Variants in GRIP1 observed in about 807,000 individuals in gnomAD.
GRIP1 encodes the protein glutamate receptor interacting protein 1.
GRIP1 carries 45 observed loss-of-function variants against 129.9 expected under a neutral mutation model. The ratio of observed to expected loss-of-function variants is 0.35; its 90% CI spans 0.27 to 0.44. The LOEUF (loss-of-function observed/expected upper bound fraction) is 0.44, where lower values mean the gene tolerates loss of function less well. Among genes scored for constraint, GRIP1 ranks in the 20% least tolerant of loss-of-function variants. GRIP1 has a pLI of 1.00. For synonymous variants in GRIP1, 530 were observed against 520.8 expected, an observed-to-expected ratio of 1.02 and a Z score of -0.24; for missense variants, 1,196 against 1,396.8, an observed-to-expected ratio of 0.86 and a Z score of 2.29.
intron 14 of GRIP1, among the ~76,000 whole-genome samples, chr12:66,430,300 C>T (rs570360530): frequency 1.6e-4 from 25 of 152,176 alleles, no homozygotes; most frequent in African/African-American, 3.9e-4. Flanking sequence ...GTGGTGGTGA[C>T]GACTAGTTGT....
rs149279583 is a variant in GRIP1, at chr12:66,910,585, C to T, written c.58+158465G>A. ...AGTTGGGTCTCGGTGTGAACATAAC[C>T]ACAGGCCCTTCCTATTTAGCACACC... On this transcript the variant is annotated intron_variant, in intron 1 of 1. Coordinates refer to the GRIP1 transcript ENST00000643019. Among the ~76,000 whole-genome samples, 480 of 152,132 alleles carry T rather than the reference C, an allele frequency of 3.2e-3. 1 individual carries two copies. Among genetic ancestry groups the T allele is most frequent in the African/African-American group, 0.011 (458 of 41,494 alleles).
chr12:66,602,847 G>GC (rs1270112711), intron 1 of GRIP1, among the ~76,000 whole-genome samples: 2 of 72,348 alleles, frequency 2.8e-5, no homozygotes, highest in Non-Finnish European at 6.0e-5. Context: ...CAGATCTTTT[G>GC]CTTTTTTTTT....
chr12:66,381,402 C>T (rs2056103968), intron 19 of GRIP1, among the ~76,000 whole-genome samples: 1 of 152,212 alleles, frequency 6.6e-6, no homozygotes, highest in Non-Finnish European at 1.5e-5. Flanking sequence ...TCCTGGCTCC[C>T]TCTGATGGAC....
chr12:66,392,917 T>C lies in GRIP1; in HGVS notation c.2130-101A>G, dbSNP rs986308809. The stretch of plus-strand genomic sequence containing the variant: ...TTATACATTCATCATAATAAAGACT[T>C]GGTAAGGATCTCCAGAAGTCCCTTC... On this transcript the variant is annotated intron_variant, in intron 17 of 24. Transcript: ENST00000359742. 8.6e-6 allele frequency: 10 copies of C among 1,159,750 alleles called. No homozygotes were observed. In the African/African-American group the frequency reaches 1.5e-4, roughly 18 times the overall value. 71.8% of individuals were successfully genotyped at this position (1,159,750 alleles called of 1,614,324 possible).
chr12:66,788,239 CTT>C (rs74709492), intron 1 of GRIP1, among the ~76,000 whole-genome samples: 14 of 143,972 alleles, frequency 9.7e-5, no homozygotes, highest in Admixed American at 1.4e-4. Flanking sequence ...AAATAAAATA[CTT>C]TTTTTTTTTT....
At chr12:67,007,466 T>C (rs572965486) in intron 1 of GRIP1, among the ~76,000 whole-genome samples, 1 of 152,096 alleles carries the variant, frequency 6.6e-6, no homozygotes, top group East Asian at 1.9e-4. Flanking sequence ...TGCAAAGAAA[T>C]AACTCCCCTC....
chr12:66,697,377 C>T (rs952114310), intron 1 of GRIP1, among the ~76,000 whole-genome samples: 1 of 152,040 alleles, frequency 6.6e-6, no homozygotes, highest in African/African-American at 2.4e-5. Flanking sequence ...TAGAGAGAGC[C>T]ACTACAGGTA....
At chr12:66,639,093 G>A (rs776635414) in intron 1 of GRIP1, among the ~76,000 whole-genome samples, 1 of 152,162 alleles carries the variant, frequency 6.6e-6, no homozygotes, top group Non-Finnish European at 1.5e-5. Context: ...ATTAGTAGCA[G>A]ATATACATAT....
In GRIP1 at chr12:66,916,156, G is replaced by A. The variant is rs1031396706; in HGVS notation, c.58+152894C>T. 2.0e-5 allele frequency among the ~76,000 whole-genome samples: 3 copies of A among 152,188 alleles called. No homozygotes were observed. The East Asian group carries it at 5.8e-4, about 29-fold the overall frequency. ...AAATATAAAATGATTGTATCAGAAA[G>A]CCTAATAAAAAGGAAAATGGCAAGT... On this transcript the variant is annotated intron_variant, in intron 1 of 1. Coordinates refer to the GRIP1 transcript ENST00000643019.
intron 1 of GRIP1, among the ~76,000 whole-genome samples, chr12:66,975,411 G>A (rs2042137186): frequency 6.6e-6 from 1 of 152,184 alleles, no homozygotes; most frequent in Non-Finnish European, 1.5e-5. Context: ...TGCAGTATAT[G>A]CAATTACAAA....
rs765335569 is a variant in GRIP1 at position 66,379,395 on chromosome 12, C to T, written c.2506G>A (p.Asp836Asn). 5 of 1,614,092 alleles carry T rather than the reference C, an allele frequency of 3.1e-6. No homozygotes were observed. The East Asian group carries it at 1.1e-4, about 36-fold the overall frequency. Residue 836 changes from aspartate (D) to asparagine (N), a missense_variant, in exon 20 of 25, where the codon GAC (aspartate) becomes AAC (asparagine). This residue lies in a region of GRIP1 where 427 missense variants were observed against 463.3 expected (regional missense o/e 0.92). Coordinates refer to ENST00000359742, the MANE Select transcript of GRIP1 (RefSeq NM_001366722.1). ...CCTCTCTGTTTTGGACTCCTCCAGT[C>T]ATAGGTGTTGAAATTGTATCCTGAG... ...QASGYNFNTY[D>N]WRSPKQRGSL... is the part of the protein sequence containing the mutation.
At chr12:66,401,376 G>A (rs1478774478) in intron 16 of GRIP1, among the ~76,000 whole-genome samples, 1 of 151,722 alleles carries the variant, frequency 6.6e-6, no homozygotes, top group African/African-American at 2.4e-5. Context: ...TCAGGAGTTC[G>A]AGACTAGCCT....
chr12:67,014,727 A>G (rs1350628784), intron 1 of GRIP1, among the ~76,000 whole-genome samples: 2 of 152,142 alleles, frequency 1.3e-5, no homozygotes, highest in Non-Finnish European at 2.9e-5. Context: ...AAAAAAAAAG[A>G]AGGCTGCCTA....
chr12:66,515,271 A>G (rs2060810803), intron 7 of GRIP1, among the ~76,000 whole-genome samples: 1 of 150,534 alleles, frequency 6.6e-6, no homozygotes, highest in African/African-American at 2.4e-5. Flanking sequence ...TGTAATAATA[A>G]AAAAAAAAAG....
At chr12:66,412,859 T>C (rs1250208854) in intron 15 of GRIP1, among the ~76,000 whole-genome samples, 1 of 151,924 alleles carries the variant, frequency 6.6e-6, no homozygotes, top group Non-Finnish European at 1.5e-5. Context: ...AAAGATACTT[T>C]AAACCAACAA....
chr12:66,428,484 G>A (rs970251329), intron 14 of GRIP1, among the ~76,000 whole-genome samples: 8 of 152,162 alleles, frequency 5.3e-5, no homozygotes, highest in African/African-American at 1.9e-4. Context: ...AGGAAAGACA[G>A]TGAATTCACT....
intron 1 of GRIP1, among the ~76,000 whole-genome samples, chr12:66,999,244 G>A (rs1446338955): frequency 6.6e-6 from 1 of 152,086 alleles, no homozygotes; most frequent in Non-Finnish European, 1.5e-5. Flanking sequence ...AATTTTCACA[G>A]CACTGAGAAA....
At chr12:66,849,923 G>C (rs562405714) in intron 1 of GRIP1, among the ~76,000 whole-genome samples, 2 of 152,262 alleles carry the variant, frequency 1.3e-5, no homozygotes, top group East Asian at 3.9e-4. Context: ...GGCTCTGTCG[G>C]TCTGCAGCTG....
At chr12:66,797,003 A>G (rs2038717638) in intron 1 of GRIP1, among the ~76,000 whole-genome samples, 2 of 152,222 alleles carry the variant, frequency 1.3e-5, no homozygotes, top group Non-Finnish European at 1.5e-5. Context: ...TTAAATCTAC[A>G]GATCCAAATA....
Sources: allele counts gnomAD v4.1 joint callset (sites outside exome capture counted in the v4.1 genomes callset), GRCh38; gene constraint gnomAD v4.1.1; regional missense constraint gnomAD v4.1.1; transcripts MANE v1.5; gene names NCBI Gene and HGNC (gene_info 2026-07-23, HGNC 2026-07-21).